KDM6B: variants seen among roughly 807,000 people sequenced by gnomAD.
KDM6B encodes the protein lysine demethylase 6B, also known as lysine-specific demethylase 6B.
A neutral mutation model predicts 150.4 loss-of-function variants in KDM6B; 22 were observed. That is an observed-to-expected ratio of 0.15 (90% CI 0.10 to 0.21). KDM6B has a LOEUF of 0.21. Ranked by LOEUF, KDM6B falls within the 10% of genes least tolerant of loss-of-function variation. The pLI is 1.00. For missense variants in KDM6B, 1,984 were observed against 2,234.3 expected (o/e 0.89, Z 2.26); for synonymous variants, 1,148 against 921.1 (o/e 1.25, Z -4.46).
At chr17:7,838,209 G>T (rs996837820) in intron 1 of KDM6B, among the ~76,000 whole-genome samples, 4 of 113,832 alleles carry the variant, frequency 3.5e-5, no homozygotes, top group African/African-American at 1.1e-4. Flanking sequence ...GTTGGGGTGG[G>T]TGGGTGGAGA....
chr17:7,846,896 A>G lies in KDM6B; in HGVS notation c.789A>G (p.Pro263=), dbSNP rs139139016. The change falls in exon 10 of 24, where the codon CCA becomes CCG. Residue 263 remains proline (P), a synonymous_variant. Transcript: ENST00000448097. ...CACCACCACCACCACCACCACCACCACCCCTGCCTGGCCTGGCTACCAGCC... is the reference window on the plus strand; with the variant it reads ...CACCACCACCACCACCACCACCACCGCCCCTGCCTGGCCTGGCTACCAGCC... ...PPPPPPPPPP[P]PLPGLATSPP... is the part of the protein sequence containing the mutation. 3.0e-5 allele frequency: 41 copies of G among 1,365,168 alleles called. No homozygotes were observed. Among genetic ancestry groups the G allele is most frequent in the Admixed American group, 6.0e-5 (3 of 49,654 alleles). The allele number at this position is 1,365,168 out of a possible 1,614,324, so 84.6% of individuals were successfully genotyped here.
In KDM6B at chr17:7,846,730, A is replaced by G. The variant is rs1156930016; in HGVS notation, c.701A>G (p.Asn234Ser). ...GGAGGCAAGCGAAGGAGAGGCTGCA[A>G]CTCTGAACAGGTGTGGGTATAGGGG... is the stretch of plus-strand genomic sequence containing the variant. ...SPGGKRRRGC[N>S]SEQTGLPPGL... Residue 234 changes from asparagine (N) to serine (S), a missense_variant, in exon 9 of 24, where the codon AAC becomes AGC. Transcript: ENST00000448097. The G allele has an allele frequency of 1.9e-6, 3 of 1,613,978 alleles. No homozygotes were observed. Among genetic ancestry groups the G allele is most frequent in the Middle Eastern group, 1.6e-4 (1 of 6,062 alleles).
rs1236798226 is a variant in KDM6B at position 7,844,492 on chromosome 17, G to C, written c.-268-409G>C. The stretch of plus-strand genomic sequence containing the variant: ...CCCTAAGCAGTTAATAGGGGCGCTC[G>C]GGGTAGGGAGGTCTGTCACTGGGCG... On this transcript the variant is annotated intron_variant, in intron 2 of 23. Transcript: ENST00000448097. This position sits in a 1 kb window ranked among gnomAD's most constrained non-coding sequence, Gnocchi z 5.9. 6.6e-6 allele frequency: 1 copy of C among 152,232 alleles called. No homozygotes were observed. The highest frequency in any genetic ancestry group is 1.5e-5 in the Non-Finnish European group (1 of 68,066). The allele number at this position is 152,232 out of a possible 1,614,324, so 9.4% of individuals were successfully genotyped here.
In KDM6B at chr17:7,849,660, A is replaced by T. The variant is rs543162904; in HGVS notation, c.3372A>T (p.Glu1124Asp). Residue 1124 changes from glutamate to aspartate, a missense_variant, in exon 12 of 24, where the codon GAA (glutamate) becomes GAT (aspartate). By Grantham distance (45) the Glu-to-Asp change is conservative (BLOSUM62 2). Transcript: ENST00000448097. ...AGACCTTTATCGCCTCTGAGGTGGA[A>T]GAGCGGCGGCTGCGCATGGCAGACC... Reference protein sequence around the residue: ...DKETFIASEVEERRLRMADLT... With the variant: ...DKETFIASEVDERRLRMADLT... 6.2e-7 allele frequency: 1 copy of T among 1,610,344 alleles called. No homozygotes were observed. The highest frequency in any genetic ancestry group is 1.1e-5 in the South Asian group (1 of 91,082).
chr17:7,846,807 C>G lies in KDM6B; in HGVS notation c.712-12C>G, dbSNP rs764318091. On this transcript the variant is annotated splice_polypyrimidine_tract_variant and intron_variant, in intron 9 of 23. Coordinates refer to ENST00000448097, the MANE Select transcript of KDM6B (RefSeq NM_001348716.2). ...CTTGGGAATGGGATTCTCACACTCTCTTCTCTCCTAGACTGGCCTTCCCCC... is the reference window on the plus strand; with the variant it reads ...CTTGGGAATGGGATTCTCACACTCTGTTCTCTCCTAGACTGGCCTTCCCCC... 6.2e-7 allele frequency: 1 copy of G among 1,613,540 alleles called. No individual in the cohort carries two copies. The highest frequency in any genetic ancestry group is 1.3e-5 in the African/African-American group (1 of 74,830).
In KDM6B at chr17:7,846,155, C is replaced by G. The variant is rs766196793; in HGVS notation, c.314C>G (p.Ala105Gly). 6.8e-6 allele frequency: 11 copies of G among 1,613,926 alleles called. No individual in the cohort carries two copies. The South Asian group carries it at 1.2e-4, about 18-fold the overall frequency. ...GCVQALLREPAQPGLWEQLGQ... is the reference protein window; with the variant it reads ...GCVQALLREPGQPGLWEQLGQ... ...GTGCAGGCATTGCTCCGGGAGCCAGCCCAGCCAGGGCTTTGGGAACAGCTT... is the reference window on the plus strand; with the variant it reads ...GTGCAGGCATTGCTCCGGGAGCCAGGCCAGCCAGGGCTTTGGGAACAGCTT... Residue 105 changes from alanine to glycine, a missense_variant, in exon 7 of 24, where the codon GCC (alanine) becomes GGC (glycine). This residue lies in a region of KDM6B where 337 missense variants were observed against 323.9 expected (regional missense o/e 1.04). Transcript: ENST00000448097.
In KDM6B at chr17:7,845,306, C is replaced by A. The variant is rs1323479693; in HGVS notation, c.-148-8C>A. The A allele has an allele frequency of 3.3e-6, 2 of 604,256 alleles. No individual in the cohort carries two copies. The highest frequency in any genetic ancestry group is 5.9e-6 in the Non-Finnish European group (2 of 336,712). 37.4% of individuals were successfully genotyped at this position (604,256 alleles called of 1,614,324 possible). A position where few individuals can be genotyped will look rare whatever the true frequency, so the allele number is the denominator to read the frequency against. ...CCAGCTCGTCTCACTCCTTTTCCTT[C>A]TCTCTAGAATTGGCTGTGAAAGGAC... On this transcript the variant is annotated splice_region_variant and splice_polypyrimidine_tract_variant and intron_variant, in intron 3 of 23. Coordinates refer to ENST00000448097, the MANE Select transcript of KDM6B (RefSeq NM_001348716.2).
chr17:7,850,014 T>TG, intron 13 of KDM6B, 58 bp from the exon 14 acceptor site: 1 of 1,613,468 alleles, frequency 6.2e-7, no homozygotes, highest in Non-Finnish European at 8.5e-7. Context: ...TGGGGACTGC[T>TG]GGGGTGCTCT....
At chr17:7,840,177 C>T (rs1178212086) in intron 2 of KDM6B, 153 bp downstream of exon 2, 1 of 152,516 alleles carries the variant, frequency 6.6e-6, no homozygotes, top group Non-Finnish European at 1.5e-5. Context: ...GTGGTTCAGC[C>T]CTCCTGGTTT....
chr17:7,834,591 C>T (rs2078292904), intron 1 of KDM6B, among the ~76,000 whole-genome samples: 1 of 149,520 alleles, frequency 6.7e-6, no homozygotes, highest in African/African-American at 2.4e-5. Context: ...TGAAAGGACT[C>T]CCCGTTCCCC....
At position 7,849,097 on chromosome 17, in the gene KDM6B, G is replaced by A. The variant is rs140465920; in HGVS notation, c.2809G>A (p.Asp937Asn). The A allele has an allele frequency of 1.1e-4, 172 of 1,612,384 alleles. No homozygotes were observed. In the African/African-American group the frequency reaches 1.8e-3, roughly 17 times the overall value. ...RVGRSATDPADPVDTAEPADS... is the reference protein window; with the variant it reads ...RVGRSATDPANPVDTAEPADS... ...GGGCCGGAGTGCCACTGACCCAGCC[G>A]ACCCAGTGGACACAGCAGAGCCAGC... is the stretch of plus-strand genomic sequence containing the variant. Residue 937 changes from aspartate to asparagine, a missense_variant, in exon 12 of 24, where the codon GAC (aspartate) becomes AAC (asparagine). By Grantham distance (23) the Asp-to-Asn change is conservative (BLOSUM62 1). This residue lies in a region of KDM6B where 1,379 missense variants were observed against 1,275.6 expected (regional missense o/e 1.08). Transcript: ENST00000448097.
chr17:7,848,080 C>A lies in KDM6B; in HGVS notation c.1792C>A (p.Pro598Thr), dbSNP rs1436620200. 4 of 1,612,784 alleles carry A rather than the reference C, an allele frequency of 2.5e-6. No homozygotes were observed. The South Asian group carries it at 4.4e-5, about 18-fold the overall frequency. The change falls in exon 12 of 24, where the codon CCT (proline) becomes ACT (threonine). Residue 598 changes from proline to threonine, a missense_variant. Pro to Thr is a conservative substitution (Grantham distance 38). This residue lies in a region of KDM6B where 1,379 missense variants were observed against 1,275.6 expected (regional missense o/e 1.08). Coordinates refer to ENST00000448097, the MANE Select transcript of KDM6B (RefSeq NM_001348716.2). ...PSPAQNPQDP[P>T]LVPLTLALPP... ...CCCAGCACAGAACCCCCAGGACCCA[C>A]CTCTTGTACCCCTGACTCTTGCCCT... is the stretch of plus-strand genomic sequence containing the variant.
intron 4 of KDM6B, 34 bp from the exon 5 acceptor site, chr17:7,845,516 C>G: frequency 6.2e-7 from 1 of 1,613,832 alleles, no homozygotes; most frequent in Non-Finnish European, 8.5e-7. Context: ...GGTTTTGCCT[C>G]CAGTAAGAGC....
chr17:7,850,700 G>T (rs936046849), intron 14 of KDM6B, among the ~76,000 whole-genome samples: 27 of 145,038 alleles, frequency 1.9e-4, no homozygotes, highest in African/African-American at 6.4e-4. Context: ...GGGGAAAAAA[G>T]AAGCTGCCAT....
chr17:7,845,943 A>C lies in KDM6B; in HGVS notation c.209A>C (p.His70Pro), dbSNP rs753019722. 8.1e-6 allele frequency: 13 copies of C among 1,613,804 alleles called. No homozygotes were observed. In the South Asian group the frequency reaches 1.1e-4, roughly 14 times the overall value. The change falls in exon 6 of 24, where the codon CAC becomes CCC. Residue 70 changes from histidine (H) to proline (P), a missense_variant. His to Pro is a moderately conservative substitution (Grantham distance 77). Coordinates refer to ENST00000448097, the MANE Select transcript of KDM6B (RefSeq NM_001348716.2). ...CCTTCACATGGCAGTAGTTCTGGGC[A>C]CCCCAGCAAACCATATTATGCTCCA... ...LPPSHGSSSGHPSKPYYAPGA... is the reference protein window; with the variant it reads ...LPPSHGSSSGPPSKPYYAPGA...
At position 7,846,688 on chromosome 17, in the gene KDM6B, A is replaced by C. The variant is rs1019879232; in HGVS notation, c.659A>C (p.Glu220Ala). 6.2e-7 allele frequency: 1 copy of C among 1,613,986 alleles called. No homozygotes were observed. Among genetic ancestry groups the C allele is most frequent in the Non-Finnish European group, 8.5e-7 (1 of 1,179,984 alleles). ...PPAALSGPSGEEGLSPGGKRR... is the reference protein window; with the variant it reads ...PPAALSGPSGAEGLSPGGKRR... Reference sequence around the variant, plus strand: ...GCAGCACTCTCAGGCCCCTCAGGGGAGGAGGGCCTCAGCCCTGGAGGCAAG... The same window carrying C: ...GCAGCACTCTCAGGCCCCTCAGGGGCGGAGGGCCTCAGCCCTGGAGGCAAG... The change falls in exon 9 of 24, where the codon GAG becomes GCG. Residue 220 changes from glutamate to alanine, a missense_variant. Transcript: ENST00000448097.
At chr17:7,851,904 G>T (rs896239956) in intron 18 of KDM6B, 47 bp from the exon 19 acceptor site, 3 of 1,605,002 alleles carry the variant, frequency 1.9e-6, no homozygotes, top group Non-Finnish European at 1.7e-6. Context: ...ATCGGGGATC[G>T]CAGTTCCGAC....
At chr17:7,834,652 G>A (rs2078295449) in intron 1 of KDM6B, among the ~76,000 whole-genome samples, 1 of 152,070 alleles carries the variant, frequency 6.6e-6, no homozygotes, top group South Asian at 2.1e-4. Flanking sequence ...GGCGGGGCGC[G>A]GCGGTCCTTA....
intron 7 of KDM6B, 23 bp from the exon 8 acceptor site, chr17:7,846,377 G>GGCCCCCCCCCC: frequency 6.8e-7 from 1 of 1,479,472 alleles, no homozygotes; most frequent in Non-Finnish European, 9.1e-7. Flanking sequence ...ATCTGCCCCT[G>GGCCCCCCCCCC]CCCCGTGTCC....
Sources: gnomAD v4.1 joint callset for allele counts (sites outside exome capture counted in the v4.1 genomes callset) on GRCh38, gnomAD v4.1.1 for gene constraint, gnomAD v4.1.1 regional missense constraint, Gnocchi (gnomAD v3.1) non-coding constraint, MANE v1.5 for transcripts, NCBI Gene and HGNC (gene_info 2026-07-23, HGNC 2026-07-21) for gene names.